Variants in COX4I1 observed in about 807,000 individuals in gnomAD.
COX4I1 encodes cytochrome c oxidase subunit 4I1.
Under a neutral mutation model 21.7 loss-of-function variants are expected in COX4I1, and 18 were observed. The ratio of observed to expected loss-of-function variants is 0.83; its 90% CI spans 0.57 to 1.23. The LOEUF is 1.23. COX4I1 is among the 50% of genes most tolerant of loss of function. The pLI, the probability that COX4I1 is intolerant of heterozygous loss-of-function variation, is 0.00. For missense variants in COX4I1, 238 were observed against 220.7 expected (o/e 1.08, Z -0.50); for synonymous variants, 100 against 81.5 (o/e 1.23, Z -1.23).
In COX4I1 at chr16:85,800,433, C is replaced by G. The variant is rs144243506; in HGVS notation, c.-2+681C>G. 2.2e-4 allele frequency among the ~76,000 whole-genome samples: 33 copies of G among 152,284 alleles called. No individual in the cohort carries two copies. The East Asian group carries it at 5.6e-3, about 26-fold the overall frequency. Reference sequence around the variant, plus strand: ...ATCGGGGCTGTGTTGGCAGCCTTCTCCAATTTCCCCTTCTAGTCTATGTAC... The same window carrying G: ...ATCGGGGCTGTGTTGGCAGCCTTCTGCAATTTCCCCTTCTAGTCTATGTAC... On this transcript the variant is annotated intron_variant, in intron 1 of 4. Coordinates refer to ENST00000253452, the MANE Select transcript of COX4I1 (RefSeq NM_001861.6).
chr16:85,804,668 G>C, intron 2 of COX4I1: 1 of 335,926 alleles, frequency 3.0e-6, no homozygotes, highest in Non-Finnish European at 5.5e-6. Flanking sequence ...GCAGGTAACT[G>C]TTAATGTAGG....
chr16:85,806,696 C>A, intron 4 of COX4I1, 42 bp from the exon 5 acceptor site: 1 of 1,613,928 alleles, frequency 6.2e-7, no homozygotes, highest in Non-Finnish European at 8.5e-7. Context: ...TAGAAACAAC[C>A]TGTTGAGATA....
intron 4 of COX4I1, 90 bp from the exon 5 acceptor site, chr16:85,806,648 G>C (rs997355631): frequency 6.2e-6 from 10 of 1,606,022 alleles, no homozygotes; most frequent in South Asian, 2.2e-5. Flanking sequence ...CTGGTGGCTG[G>C]TGTGTCGGGA....
intron 2 of COX4I1, among the ~76,000 whole-genome samples, chr16:85,802,215 G>C (rs7198313): frequency 6.6e-6 from 1 of 152,176 alleles, no homozygotes; most frequent in African/African-American, 2.4e-5. Flanking sequence ...GTTGTGGGTG[G>C]TCGCTCCTGT....
intron 2 of COX4I1, among the ~76,000 whole-genome samples, chr16:85,801,555 G>T (rs1905766976): frequency 6.6e-6 from 1 of 152,000 alleles, no homozygotes; most frequent in African/African-American, 2.4e-5. Flanking sequence ...CCTTTCAAAA[G>T]ATCTTCTGCA....
intron 2 of COX4I1, among the ~76,000 whole-genome samples, chr16:85,802,850 T>C (rs1263112969): frequency 2.0e-5 from 3 of 152,230 alleles, no homozygotes; most frequent in African/African-American, 7.2e-5. Flanking sequence ...TGGCCATTCT[T>C]ATTCTGGAAG....
At position 85,806,899 on chromosome 16, in the gene COX4I1, T is replaced by C. The variant is rs908906751; in HGVS notation, c.*25T>C. ...AGAGATGCTGGCCTGCGCCTGCACC[T>C]GCGCCTGGCTCTGTCACCGCCATGC... On this transcript the variant is annotated 3_prime_UTR_variant, in exon 5 of 5. Coordinates refer to ENST00000253452, the MANE Select transcript of COX4I1 (RefSeq NM_001861.6). 1.3e-5 allele frequency: 21 copies of C among 1,599,996 alleles called. No homozygotes were observed. The highest frequency in any genetic ancestry group is 1.6e-5 in the Non-Finnish European group (19 of 1,171,962).
intron 2 of COX4I1, 186 bp from the exon 3 acceptor site, chr16:85,804,751 A>G (rs1906036766): frequency 1.8e-6 from 1 of 548,256 alleles, no homozygotes; most frequent in African/African-American, 1.9e-5. Flanking sequence ...GTTGGCTGTG[A>G]TGAGAAGTGC....
In COX4I1 at chr16:85,806,706, A is replaced by G. The variant is rs768199307; in HGVS notation, c.374-32A>G. On this transcript the variant is annotated intron_variant, in intron 4 of 4. Coordinates refer to ENST00000253452, the MANE Select transcript of COX4I1 (RefSeq NM_001861.6). ...TGGCCTAGAAACAACCTGTTGAGAT[A>G]GTCTTGCCCCATAACCTGTCTCACA... The G allele has an allele frequency of 1.2e-5, 19 of 1,613,850 alleles. No homozygotes were observed. In the East Asian group the frequency reaches 4.2e-4, roughly 36 times the overall value.
chr16:85,806,566 A>C, intron 4 of COX4I1, 172 bp from the exon 5 acceptor site: 1 of 923,824 alleles, frequency 1.1e-6, no homozygotes, highest in Non-Finnish European at 1.7e-6. Flanking sequence ...GCTAATTTTA[A>C]AATGTCAGTG....
At position 85,806,925 on chromosome 16, in the gene COX4I1, A is replaced by G. The variant is rs1597221015; in HGVS notation, c.*51A>G. ...GCGCCTGGCTCTGTCACCGCCATGC[A>G]ACTCCATGCCTATTTACTGGAAACC... On this transcript the variant is annotated 3_prime_UTR_variant, in exon 5 of 5. Transcript: ENST00000253452. 6.4e-7 allele frequency: 1 copy of G among 1,573,920 alleles called. No homozygotes were observed. Among genetic ancestry groups the G allele is most frequent in the East Asian group, 2.2e-5 (1 of 44,584 alleles).
rs1292387494 is a variant in COX4I1 at position 85,806,599 on chromosome 16, T to C, written c.374-139T>C. 1.2e-5 allele frequency: 14 copies of C among 1,207,594 alleles called. 1 individual carries two copies. The highest frequency in any genetic ancestry group is 1.7e-5 in the Admixed American group (1 of 57,502). The allele number at this position is 1,207,594 out of a possible 1,614,324, so 74.8% of individuals were successfully genotyped here. A position where few individuals can be genotyped will look rare whatever the true frequency, so the allele number is the denominator to read the frequency against. ...GTGTTGTCAGTGGTCAGAAACCGTG[T>C]GTTTGAGCGGGTGTTGAGTGGCAGG... On this transcript the variant is annotated intron_variant, in intron 4 of 4. Transcript: ENST00000253452.
chr16:85,803,804 G>C (rs1905950992), intron 2 of COX4I1: 1 of 152,250 alleles, frequency 6.6e-6, no homozygotes, highest in Admixed American at 6.5e-5. Context: ...CGTGCTCTGT[G>C]ACTCCTGAGT....
chr16:85,806,645 C>T, intron 4 of COX4I1, 93 bp from the exon 5 acceptor site: 1 of 1,602,640 alleles, frequency 6.2e-7, no homozygotes, highest in Non-Finnish European at 8.5e-7. Context: ...GACCTGGTGG[C>T]TGGTGTGTCG....
At chr16:85,806,022 G>A (rs2152084447) in intron 4 of COX4I1, 158 bp downstream of exon 4, 2 of 1,017,510 alleles carry the variant, frequency 2.0e-6, no homozygotes, top group East Asian at 4.9e-5. Context: ...TGGTGACCTG[G>A]AGAACTGAAG....
chr16:85,802,685 C>T (rs2733955), intron 2 of COX4I1, among the ~76,000 whole-genome samples: 2 of 152,072 alleles, frequency 1.3e-5, no homozygotes, highest in South Asian at 2.1e-4. Flanking sequence ...AACAGAAATC[C>T]GTCCATGTTG....
At chr16:85,800,140 C>A (rs981387103) in intron 1 of COX4I1, among the ~76,000 whole-genome samples, 1 of 152,216 alleles carries the variant, frequency 6.6e-6, no homozygotes, top group Non-Finnish European at 1.5e-5. Context: ...GGCTCCCGGG[C>A]GGCGCTCGGC....
intron 2 of COX4I1, among the ~76,000 whole-genome samples, chr16:85,802,267 C>G (rs1288667976): frequency 6.6e-6 from 1 of 152,208 alleles, no homozygotes; most frequent in Admixed American, 6.5e-5. Flanking sequence ...TTAGAACGGC[C>G]TCTCCTGACC....
At chr16:85,801,374 A>C in intron 2 of COX4I1, 96 bp downstream of exon 2, 3 of 1,068,622 alleles carry the variant, frequency 2.8e-6, no homozygotes, top group Non-Finnish European at 4.2e-6. Flanking sequence ...AAAGACCTTA[A>C]TTCGGCTCTT....
Sources: allele counts gnomAD v4.1 joint callset (sites outside exome capture counted in the v4.1 genomes callset), GRCh38; gene constraint gnomAD v4.1.1; transcripts MANE v1.5; gene names NCBI Gene and HGNC (gene_info 2026-07-23, HGNC 2026-07-21).